Variants in PASD1 observed in about 807,000 individuals in gnomAD.
PASD1 encodes the protein PAS domain containing repressor 1.
Under a neutral mutation model 58.8 loss-of-function variants are expected in PASD1, and 13 were observed. The ratio of observed to expected loss-of-function variants is 0.22; its 90% CI spans 0.14 to 0.35. PASD1 has a LOEUF of 0.35. PASD1 is among the 10% of genes least tolerant of loss of function. PASD1 has a pLI of 1.00. For synonymous variants in PASD1, 236 were observed against 216.7 expected, an observed-to-expected ratio of 1.09 and a Z score of -0.78; for missense variants, 734 against 568.3, an observed-to-expected ratio of 1.29 and a Z score of -2.96.
intron 4 of PASD1, among the ~76,000 whole-genome samples, chrX:151,612,783 T>C (rs1437522368): frequency 6.3e-5 from 7 of 111,693 alleles, no homozygotes; most frequent in Admixed American, 1.9e-4. Context: ...TTCACTCTGA[T>C]GGTAGTTTCT....
chrX:151,614,313 C>T (rs2013609998), intron 4 of PASD1, among the ~76,000 whole-genome samples: 1 of 111,415 alleles, frequency 9.0e-6, no homozygotes, highest in South Asian at 3.8e-4. Flanking sequence ...GGATACTAAT[C>T]CCATTAATCA....
intron 1 of PASD1, among the ~76,000 whole-genome samples, chrX:151,576,204 C>G (rs1424119916): frequency 1.8e-5 from 2 of 110,594 alleles, no homozygotes; most frequent in Non-Finnish European, 3.8e-5. Flanking sequence ...CAGTGTCTCC[C>G]TGTATTCTCC....
At chrX:151,576,759 C>T (rs2013013529) in intron 1 of PASD1, among the ~76,000 whole-genome samples, 1 of 111,635 alleles carries the variant, frequency 9.0e-6, no homozygotes, top group South Asian at 3.7e-4. Context: ...TGTTAATTTT[C>T]GCCAACTACT....
At chrX:151,604,837 A>C in intron 3 of PASD1, 103 bp downstream of exon 3, 1 of 605,334 alleles carries the variant, frequency 1.7e-6, no homozygotes, top group Non-Finnish European at 2.6e-6. Context: ...CATATGCATT[A>C]GAATCAACCA....
intron 9 of PASD1, among the ~76,000 whole-genome samples, chrX:151,649,633 C>T (rs2014106408): frequency 9.0e-6 from 1 of 111,595 alleles, no homozygotes; most frequent in Non-Finnish European, 1.9e-5. Context: ...TCAGCATATC[C>T]CCAGTATTTT....
At chrX:151,565,078 C>A (rs2012814642) in intron 1 of PASD1, among the ~76,000 whole-genome samples, 1 of 112,037 alleles carries the variant, frequency 8.9e-6, no homozygotes, top group South Asian at 3.7e-4. Context: ...GATCCAGGAA[C>A]AGAATCAGGC....
At position 151,664,112 on chromosome X, in the gene PASD1, T is replaced by TC. The variant is rs780051557; in HGVS notation, c.842-5dup. 257 of 1,210,254 alleles carry TC rather than the reference T, an allele frequency of 2.1e-4. No homozygotes were observed. The highest frequency in any genetic ancestry group is 3.5e-4 in the South Asian group (20 of 56,757). On this transcript the variant is annotated splice_region_variant and splice_polypyrimidine_tract_variant and intron_variant, in intron 10 of 15. Coordinates refer to ENST00000370357, the MANE Select transcript of PASD1 (RefSeq NM_173493.3). ...AGTCATGAACTCCCCTGTGCTTTCT[T>TC]CCTCAGCCTTATCCTTGCAAGACTT...
intron 1 of PASD1, among the ~76,000 whole-genome samples, chrX:151,580,508 C>CTTTTTTT (rs200293926): frequency 1.2e-4 from 8 of 67,182 alleles, no homozygotes; most frequent in African/African-American, 2.6e-4. Flanking sequence ...TTCTTTTTTT[C>CTTTTTTT]TTTTTTTTTT....
chrX:151,649,114 A>T (rs1175316199), intron 9 of PASD1, among the ~76,000 whole-genome samples: 1 of 112,019 alleles, frequency 8.9e-6, no homozygotes, highest in Non-Finnish European at 1.9e-5. Flanking sequence ...GACTAGAAAG[A>T]ATCCTTAAGG....
chrX:151,591,977 A>G (rs933074500), intron 1 of PASD1, among the ~76,000 whole-genome samples: 2 of 111,725 alleles, frequency 1.8e-5, no homozygotes, highest in Non-Finnish European at 3.8e-5. Flanking sequence ...TCATAAATCA[A>G]ATTTCAGTTT....
intron 11 of PASD1, among the ~76,000 whole-genome samples, chrX:151,668,407 C>T (rs1326295624): frequency 1.8e-5 from 2 of 110,885 alleles, no homozygotes; most frequent in Non-Finnish European, 3.8e-5. Flanking sequence ...ATTCGGTTTG[C>T]CAGTATTTTA....
chrX:151,631,600 C>T (rs947352926), intron 8 of PASD1, among the ~76,000 whole-genome samples: 6 of 111,641 alleles, frequency 5.4e-5, no homozygotes, highest in Admixed American at 3.8e-4. Context: ...GTTCTAGTAG[C>T]TGTTACCTGT....
intron 1 of PASD1, among the ~76,000 whole-genome samples, chrX:151,582,043 G>C (rs150547010): frequency 0.017 from 1,573 of 89,998 alleles, 35 homozygotes; most frequent in African/African-American, 0.065. Context: ...CTGGAGTGCA[G>C]TGGCACGATC....
At chrX:151,610,326 C>T (rs61649998) in intron 3 of PASD1, among the ~76,000 whole-genome samples, 42,411 of 110,339 alleles carry the variant, frequency 0.38, 6,177 homozygotes, top group African/African-American at 0.44. Context: ...TAACATGCTA[C>T]TTAACCTATA....
At chrX:151,648,590 C>A (rs768553865) in intron 8 of PASD1, 25 bp from the exon 9 acceptor site, 6 of 1,181,892 alleles carry the variant, frequency 5.1e-6, no homozygotes, top group Non-Finnish European at 6.9e-6. Flanking sequence ...ATATGCTTAC[C>A]ATCTCTCTTT....
intron 8 of PASD1, among the ~76,000 whole-genome samples, chrX:151,644,137 T>G (rs977642860): frequency 1.8e-5 from 2 of 112,381 alleles, no homozygotes; most frequent in African/African-American, 6.5e-5. Flanking sequence ...TCAAATAATG[T>G]AAATCTATTA....
intron 5 of PASD1, 54 bp downstream of exon 5, chrX:151,621,083 A>G: frequency 1.3e-6 from 1 of 775,698 alleles, no homozygotes; most frequent in Non-Finnish European, 1.9e-6. Context: ...ACAAGTAACA[A>G]TCGCTCAATG....
chrX:151,564,150 A>G (rs2012790710), intron 1 of PASD1, among the ~76,000 whole-genome samples: 1 of 113,010 alleles, frequency 8.8e-6, no homozygotes, highest in South Asian at 3.6e-4. Flanking sequence ...ACATTTCGAG[A>G]AATTGAAGCA....
intron 9 of PASD1, among the ~76,000 whole-genome samples, chrX:151,655,809 G>C (rs1036385507): frequency 3.6e-5 from 4 of 111,913 alleles, no homozygotes; most frequent in Non-Finnish European, 7.5e-5. Context: ...TAGGTTGCCT[G>C]TTCACTCTGA....
Sources: gnomAD v4.1 joint callset for allele counts (sites outside exome capture counted in the v4.1 genomes callset) on GRCh38, gnomAD v4.1.1 for gene constraint, MANE v1.5 for transcripts, NCBI Gene and HGNC (gene_info 2026-07-23, HGNC 2026-07-21) for gene names.